The following GPC5 variants were observed in gnomAD, a reference collection of about 807,000 sequenced individuals.
GPC5 encodes the protein glypican-5.
GPC5 carries 47 observed loss-of-function variants against 53.9 expected under a neutral mutation model. That is an observed-to-expected ratio of 0.87 (90% confidence interval 0.69 to 1.11). The LOEUF is 1.11. Among genes scored for constraint, GPC5 ranks in the 50% most tolerant of loss-of-function variants. GPC5 has a pLI of 0.00. For synonymous variants in GPC5, 286 were observed against 263.3 expected, an observed-to-expected ratio of 1.09 and a Z score of -0.84; for missense variants, 748 against 713.1, an observed-to-expected ratio of 1.05 and a Z score of -0.56.
chr13:91,465,368 C>G (rs1215303029), intron 2 of GPC5, among the ~76,000 whole-genome samples: 1 of 152,094 alleles, frequency 6.6e-6, no homozygotes, highest in Admixed American at 6.6e-5. Flanking sequence ...AGATCTTTGT[C>G]TCTTTAATTT....
chr13:92,230,268 C>T (rs1255431632), intron 7 of GPC5, among the ~76,000 whole-genome samples: 24 of 152,126 alleles, frequency 1.6e-4, no homozygotes, highest in Admixed American at 1.3e-3. Flanking sequence ...AATATAGCAA[C>T]CTTAATAGTA....
At chr13:91,621,983 C>A (rs1384553710) in intron 2 of GPC5, among the ~76,000 whole-genome samples, 1 of 151,780 alleles carries the variant, frequency 6.6e-6, no homozygotes, top group African/African-American at 2.4e-5. Flanking sequence ...AAGTCTGAGT[C>A]CAAAAGCTGA....
chr13:92,179,792 G>T (rs1435467678), intron 7 of GPC5, among the ~76,000 whole-genome samples: 1 of 152,104 alleles, frequency 6.6e-6, no homozygotes, highest in South Asian at 2.1e-4. Context: ...CTGGCACATG[G>T]GAAGATTGAA....
chr13:92,796,363 G>C (rs1441291865), intron 7 of GPC5, among the ~76,000 whole-genome samples: 1 of 151,986 alleles, frequency 6.6e-6, no homozygotes, highest in Non-Finnish European at 1.5e-5. Context: ...GGCCTTTCAG[G>C]GGTGGAGGCC....
At chr13:91,853,167 A>G (rs534951334) in intron 5 of GPC5, among the ~76,000 whole-genome samples, 5 of 152,254 alleles carry the variant, frequency 3.3e-5, no homozygotes, top group Non-Finnish European at 5.9e-5. Flanking sequence ...AGAAATAGTA[A>G]GTTGATATTA....
At chr13:91,719,747 A>G (rs1333047535) in intron 3 of GPC5, among the ~76,000 whole-genome samples, 1 of 152,204 alleles carries the variant, frequency 6.6e-6, no homozygotes, top group Non-Finnish European at 1.5e-5. Flanking sequence ...CAATTTTAGA[A>G]TAAAATATAT....
chr13:92,014,796 T>G (rs2040692761), intron 6 of GPC5, among the ~76,000 whole-genome samples: 1 of 152,190 alleles, frequency 6.6e-6, no homozygotes, highest in Admixed American at 6.5e-5. Context: ...TATAATATAC[T>G]TACACTGTTG....
At chr13:92,539,847 C>T (rs1221722933) in intron 7 of GPC5, among the ~76,000 whole-genome samples, 2 of 151,880 alleles carry the variant, frequency 1.3e-5, no homozygotes, top group East Asian at 3.9e-4. Context: ...TACATTGGGG[C>T]TAGTAATTCT....
intron 6 of GPC5, among the ~76,000 whole-genome samples, chr13:91,911,403 G>T (rs912631141): frequency 2.0e-5 from 3 of 151,998 alleles, no homozygotes; most frequent in African/African-American, 7.3e-5. Context: ...AATTAGCCGG[G>T]CATGGTGGCT....
rs373845511 is a variant in GPC5, at chr13:92,202,569, A to G, written c.1561+57580A>G. Among the ~76,000 whole-genome samples the G allele has an allele frequency of 4.4e-4, 67 of 152,222 alleles. 1 individual carries two copies. The highest frequency in any genetic ancestry group is 1.6e-3 in the African/African-American group (65 of 41,468). ...GTTACACACTAGCACACTGGAGGAT[A>G]TGGTCATTAAGAACCAAAGATTTTC... On this transcript the variant is annotated intron_variant, in intron 7 of 7. Transcript: ENST00000377067.
Position 92,560,092 on chromosome 13 carries a change from C to T in GPC5, c.1562-306190C>T, listed in dbSNP as rs1006079575. 4.0e-5 allele frequency among the ~76,000 whole-genome samples: 6 copies of T among 151,616 alleles called. No homozygotes were observed. In the South Asian group the frequency reaches 8.3e-4, roughly 21 times the overall value. Reference sequence around the variant, plus strand: ...TGACTTTATTGGCATGAATGAAAGACAATTATTAAGTAAAGCAATTATCTT... The same window carrying T: ...TGACTTTATTGGCATGAATGAAAGATAATTATTAAGTAAAGCAATTATCTT... On this transcript the variant is annotated intron_variant, in intron 7 of 7. Coordinates refer to ENST00000377067, the MANE Select transcript of GPC5 (RefSeq NM_004466.6).
At position 91,794,895 on chromosome 13, in the gene GPC5, A is replaced by G. The variant is rs186707783; in HGVS notation, c.1280+38475A>G. Reference sequence around the variant, plus strand: ...TCATTATTCATCTTTGTGTTCTAGAACCTAATTTAAAGGTCAGCTACTGAA... The same window carrying G: ...TCATTATTCATCTTTGTGTTCTAGAGCCTAATTTAAAGGTCAGCTACTGAA... On this transcript the variant is annotated intron_variant, in intron 5 of 7. Coordinates refer to ENST00000377067, the MANE Select transcript of GPC5 (RefSeq NM_004466.6). Among the ~76,000 whole-genome samples, 162 of 152,322 alleles carry G rather than the reference A, an allele frequency of 1.1e-3. 2 individuals are homozygous for G. The highest frequency in any genetic ancestry group is 3.8e-3 in the African/African-American group (157 of 41,590).
intron 7 of GPC5, among the ~76,000 whole-genome samples, chr13:92,815,634 A>C (rs764317916): frequency 3.9e-5 from 6 of 151,906 alleles, no homozygotes; most frequent in Non-Finnish European, 8.8e-5. Context: ...TTCTGGCAGA[A>C]GTGTTGAGAA....
intron 7 of GPC5, among the ~76,000 whole-genome samples, chr13:92,472,680 C>T (rs1878957806): frequency 1.3e-5 from 2 of 151,938 alleles, no homozygotes; most frequent in African/African-American, 4.8e-5. Flanking sequence ...TCCAGAGTGA[C>T]AAAAATGTGG....
intron 7 of GPC5, among the ~76,000 whole-genome samples, chr13:92,800,097 T>A (rs1012839616): frequency 4.0e-5 from 6 of 151,862 alleles, no homozygotes; most frequent in African/African-American, 1.4e-4. Flanking sequence ...AACAATTTAC[T>A]TTCATCCAAG....
intron 7 of GPC5, among the ~76,000 whole-genome samples, chr13:92,216,436 G>A (rs149154127): frequency 6.6e-6 from 1 of 152,146 alleles, no homozygotes; most frequent in Non-Finnish European, 1.5e-5. Flanking sequence ...GTTTATAGAG[G>A]AGCTTGTCAA....
chr13:92,571,326 G>A (rs1370378197), intron 7 of GPC5, among the ~76,000 whole-genome samples: 3 of 152,166 alleles, frequency 2.0e-5, no homozygotes, highest in African/African-American at 7.2e-5. Context: ...GCAAGTTGAG[G>A]CTTACGACTT....
chr13:92,614,089 T>C lies in GPC5; in HGVS notation c.1562-252193T>C, dbSNP rs1884597891. On this transcript the variant is annotated intron_variant, in intron 7 of 7. Transcript: ENST00000377067. ...TGATTTTATGCAAGAATTTTTAAGATATTTAGCAAAAGAATGAATCTCCAC... is the reference window on the plus strand; with the variant it reads ...TGATTTTATGCAAGAATTTTTAAGACATTTAGCAAAAGAATGAATCTCCAC... Among the ~76,000 whole-genome samples, 4 of 152,190 alleles carry C rather than the reference T, an allele frequency of 2.6e-5. No homozygotes were observed. In the South Asian group the frequency reaches 8.3e-4, roughly 32 times the overall value.
At chr13:92,751,898 G>A (rs1218509370) in intron 7 of GPC5, among the ~76,000 whole-genome samples, 2 of 151,906 alleles carry the variant, frequency 1.3e-5, no homozygotes, top group African/African-American at 2.4e-5. Flanking sequence ...GCCTCAAGAT[G>A]GTTACATTGT....
Sources: allele counts gnomAD v4.1 joint callset (sites outside exome capture counted in the v4.1 genomes callset), GRCh38; gene constraint gnomAD v4.1.1; transcripts MANE v1.5; gene names NCBI Gene and HGNC (gene_info 2026-07-23, HGNC 2026-07-21).